Variants in FEZ1 observed in about 807,000 individuals in gnomAD.
The protein encoded by FEZ1 is fasciculation and elongation protein zeta 1, also known as fasciculation and elongation protein zeta-1.
A neutral mutation model predicts 49.3 loss-of-function variants in FEZ1; 20 were observed. The ratio of observed to expected loss-of-function variants is 0.41; its 90% CI spans 0.29 to 0.59. The LOEUF (loss-of-function observed/expected upper bound fraction) is 0.59, where lower values mean the gene tolerates loss of function less well. FEZ1 is among the 20% of genes least tolerant of loss of function. The pLI, the probability that FEZ1 is intolerant of heterozygous loss-of-function variation, is 0.36. For missense variants in FEZ1, 413 were observed against 476.0 expected (o/e 0.87, Z 1.23); for synonymous variants, 170 against 180.9 (o/e 0.94, Z 0.48).
At chr11:125,465,766 ACCTC>A (rs1317755570) in intron 3 of FEZ1, among the ~76,000 whole-genome samples, 5 of 151,596 alleles carry the variant, frequency 3.3e-5, no homozygotes, top group African/African-American at 1.2e-4. Flanking sequence ...CAGCCTCTTC[ACCTC>A]CCTCTCCAGC....
At chr11:125,462,972 C>T (rs928421439) in intron 4 of FEZ1, among the ~76,000 whole-genome samples, 4 of 148,318 alleles carry the variant, frequency 2.7e-5, no homozygotes, top group African/African-American at 7.5e-5. Flanking sequence ...TGCACTCTGG[C>T]CTGGGTGACA....
intron 1 of FEZ1, among the ~76,000 whole-genome samples, chr11:125,491,080 G>C (rs746885387): frequency 6.6e-5 from 10 of 152,080 alleles, no homozygotes; most frequent in African/African-American, 9.7e-5. Flanking sequence ...CCCACACATA[G>C]AGCATATGCC....
chr11:125,463,658 G>A (rs1419733553), intron 3 of FEZ1, 88 bp from the exon 4 acceptor site: 14 of 788,496 alleles, frequency 1.8e-5, no homozygotes, highest in Admixed American at 5.5e-5. Flanking sequence ...GATACTGACT[G>A]GGAGGCCACT....
At chr11:125,460,171 C>G (rs1413304970) in intron 5 of FEZ1, 3 of 207,500 alleles carry the variant, frequency 1.4e-5, no homozygotes, top group Non-Finnish European at 1.9e-5. Flanking sequence ...TGAGCTGTTA[C>G]TATTACCTTT....
chr11:125,455,626 G>C (rs1373615974), intron 6 of FEZ1: 3 of 646,344 alleles, frequency 4.6e-6, no homozygotes, highest in Non-Finnish European at 8.3e-6. Flanking sequence ...TGTACACACT[G>C]TCTTCCTGGG....
intron 3 of FEZ1, among the ~76,000 whole-genome samples, chr11:125,472,588 A>G (rs1160208521): frequency 6.6e-6 from 1 of 152,138 alleles, no homozygotes; most frequent in African/African-American, 2.4e-5. Flanking sequence ...TCTTCCACAG[A>G]GAAAACCCTA....
At chr11:125,490,966 C>T (rs554127935) in intron 1 of FEZ1, among the ~76,000 whole-genome samples, 1 of 152,234 alleles carries the variant, frequency 6.6e-6, no homozygotes, top group African/African-American at 2.4e-5. Context: ...GTTGGCCAGG[C>T]TGGTCTCGAA....
intron 8 of FEZ1, among the ~76,000 whole-genome samples, chr11:125,449,671 A>G (rs976851432): frequency 3.3e-5 from 5 of 152,140 alleles, no homozygotes; most frequent in Non-Finnish European, 7.3e-5. Context: ...GGCTTTTCTC[A>G]ATGAGCATGT....
Position 125,480,269 on chromosome 11 carries a change from G to A in FEZ1, c.411+1265C>T, listed in dbSNP as rs549666407. Among the ~76,000 whole-genome samples, 656 of 152,246 alleles carry A rather than the reference G, an allele frequency of 4.3e-3. 6 individuals carry two copies. Among genetic ancestry groups the A allele is most frequent in the African/African-American group, 0.015 (617 of 41,546 alleles). On this transcript the variant is annotated intron_variant, in intron 3 of 9. Coordinates refer to ENST00000278919, the MANE Select transcript of FEZ1 (RefSeq NM_005103.5). ...CGTATGCCTGTAGTCCCAGCTACTC[G>A]GGGAGGGGGTGGTGGGTAAGGCTGG...
chr11:125,444,159 CG>C lies in FEZ1; in HGVS notation c.*1935del, dbSNP rs1244645554. Among the ~76,000 whole-genome samples the C allele has an allele frequency of 6.6e-6, 1 of 152,078 alleles. No individual in the cohort carries two copies. The highest frequency in any genetic ancestry group is 1.5e-5 in the Non-Finnish European group (1 of 68,010). On this transcript the variant is annotated 3_prime_UTR_variant, in exon 10 of 10. Coordinates refer to ENST00000278919, the MANE Select transcript of FEZ1 (RefSeq NM_005103.5). ...GTCACTTCCATGCTCCTGTGGCAGC[CG>C]GGGCTCTATCTATGGAGAAGCTCTG...
In FEZ1 at chr11:125,451,426, C is replaced by A. The variant is rs1007738999; in HGVS notation, c.1096+908G>T. ...GTTTGGTCACCTTCAGCACCAGGCC[C>A]CAGCAGGTATCCATCCTCCTCAGCT... On this transcript the variant is annotated intron_variant, in intron 8 of 9. Coordinates refer to ENST00000278919, the MANE Select transcript of FEZ1 (RefSeq NM_005103.5). The A allele has an allele frequency of 2.6e-5, 4 of 152,362 alleles. No homozygotes were observed. The East Asian group carries it at 7.7e-4, about 29-fold the overall frequency. 9.4% of individuals were successfully genotyped at this position (152,362 alleles called of 1,614,324 possible).
intron 3 of FEZ1, among the ~76,000 whole-genome samples, chr11:125,467,657 T>C (rs898917171): frequency 5.3e-5 from 8 of 152,030 alleles, no homozygotes; most frequent in African/African-American, 1.9e-4. Context: ...GGCAACATAG[T>C]GAAACTCTGT....
rs761178889 is a variant in FEZ1 at position 125,455,819 on chromosome 11, C to T, written c.939+16G>A. On this transcript the variant is annotated intron_variant, in intron 6 of 9. Coordinates refer to ENST00000278919, the MANE Select transcript of FEZ1 (RefSeq NM_005103.5). ...AGGTTGGAGGCACCCAGTCTTCCACCTGGTTGTTCACCTACCTTGAGAGGC... is the reference window on the plus strand; with the variant it reads ...AGGTTGGAGGCACCCAGTCTTCCACTTGGTTGTTCACCTACCTTGAGAGGC... 5 of 1,613,914 alleles carry T rather than the reference C, an allele frequency of 3.1e-6. No homozygotes were observed. In the Admixed American group the frequency reaches 6.7e-5, roughly 22 times the overall value.
chr11:125,459,025 C>T, intron 5 of FEZ1, among the ~76,000 whole-genome samples: 1 of 152,024 alleles, frequency 6.6e-6, no homozygotes, highest in East Asian at 1.9e-4. Flanking sequence ...GAGATCATGC[C>T]ACTGCACTCC....
Position 125,447,509 on chromosome 11 carries a change from C to T in FEZ1, c.1162+993G>A, listed in dbSNP as rs915760388. Among the ~76,000 whole-genome samples, 23 of 152,238 alleles carry T rather than the reference C, an allele frequency of 1.5e-4. 1 individual carries two copies. The highest frequency in any genetic ancestry group is 1.1e-3 in the Admixed American group (17 of 15,298). On this transcript the variant is annotated intron_variant, in intron 9 of 9. Coordinates refer to ENST00000278919, the MANE Select transcript of FEZ1 (RefSeq NM_005103.5). ...TACTTTATGGGAAAAACAGGGAATACTGATTGGATAGTCAGTACTAAGAAA... is the reference window on the plus strand; with the variant it reads ...TACTTTATGGGAAAAACAGGGAATATTGATTGGATAGTCAGTACTAAGAAA...
In FEZ1 at chr11:125,444,402, A is replaced by G. The variant is rs950170148; in HGVS notation, c.*1693T>C. Reference sequence around the variant, plus strand: ...GGAGTTCGAGACCAACCTGACCAACATGTAGAAACCTGGTCTCTACTAAAA... The same window carrying G: ...GGAGTTCGAGACCAACCTGACCAACGTGTAGAAACCTGGTCTCTACTAAAA... On this transcript the variant is annotated 3_prime_UTR_variant, in exon 10 of 10. Transcript: ENST00000278919. Among the ~76,000 whole-genome samples, 7 of 152,186 alleles carry G rather than the reference A, an allele frequency of 4.6e-5. No homozygotes were observed. Among genetic ancestry groups the G allele is most frequent in the African/African-American group, 1.7e-4 (7 of 41,444 alleles).
intron 8 of FEZ1, 128 bp downstream of exon 8, chr11:125,452,206 T>C (rs1407283298): frequency 1.4e-5 from 10 of 692,116 alleles, no homozygotes; most frequent in Non-Finnish European, 2.6e-5. Flanking sequence ...ACGCAGTAAT[T>C]TGGAGGGTAT....
chr11:125,454,955 A>G (rs1273115714), intron 6 of FEZ1, among the ~76,000 whole-genome samples: 1 of 150,956 alleles, frequency 6.6e-6, no homozygotes, highest in Non-Finnish European at 1.5e-5. Flanking sequence ...CAGAGATTGC[A>G]GTGAACCGAG....
chr11:125,445,371 C>A lies in FEZ1; in HGVS notation c.*724G>T, dbSNP rs952548018. Reference sequence around the variant, plus strand: ...ACAGCCTGGGGAGGGTCTCCAGGGCCAGCCTGGCCATCCCACCAGGAGATC... The same window carrying A: ...ACAGCCTGGGGAGGGTCTCCAGGGCAAGCCTGGCCATCCCACCAGGAGATC... On this transcript the variant is annotated 3_prime_UTR_variant, in exon 10 of 10. Transcript: ENST00000278919. The surrounding 1 kb of genome is among the most constrained non-coding windows in gnomAD (Gnocchi z 4.4). Among the ~76,000 whole-genome samples the A allele has an allele frequency of 6.6e-6, 1 of 152,234 alleles. No individual in the cohort carries two copies. Among genetic ancestry groups the A allele is most frequent in the Admixed American group, 6.5e-5 (1 of 15,294 alleles).
Sources: gnomAD v4.1 joint callset for allele counts (sites outside exome capture counted in the v4.1 genomes callset) on GRCh38, gnomAD v4.1.1 for gene constraint, Gnocchi (gnomAD v3.1) non-coding constraint, MANE v1.5 for transcripts, NCBI Gene and HGNC (gene_info 2026-07-23, HGNC 2026-07-21) for gene names.